The following KIRREL1 variants were observed in gnomAD, a reference collection of about 807,000 sequenced individuals.
KIRREL1 encodes kirre like nephrin family adhesion molecule 1.
KIRREL1 carries 25 observed loss-of-function variants against 83.3 expected under a neutral mutation model. The observed-to-expected ratio is 0.30, with a 90% CI of 0.22 to 0.42. The LOEUF (loss-of-function observed/expected upper bound fraction) is 0.42. KIRREL1 is among the 10% of genes least tolerant of loss of function. KIRREL1 has a pLI of 1.00. For synonymous variants in KIRREL1, 388 were observed against 410.4 expected (o/e 0.95, Z 0.66); for missense variants, 812 against 1,032.3 (o/e 0.79, Z 2.92).
intron 1 of KIRREL1, among the ~76,000 whole-genome samples, chr1:158,025,903 G>A (rs1003544829): frequency 1.3e-5 from 2 of 152,018 alleles, no homozygotes; most frequent in Admixed American, 1.3e-4. Flanking sequence ...CCCTCCCCCA[G>A]CAGAAGGGCT....
At chr1:158,025,097 T>C (rs918765235) in intron 1 of KIRREL1, among the ~76,000 whole-genome samples, 5 of 152,164 alleles carry the variant, frequency 3.3e-5, no homozygotes, top group African/African-American at 1.2e-4. Flanking sequence ...AACTGACCTG[T>C]CACTGGGTCT....
intron 1 of KIRREL1, among the ~76,000 whole-genome samples, chr1:158,036,240 C>A (rs374665140): frequency 1.3e-5 from 2 of 152,094 alleles, no homozygotes; most frequent in Non-Finnish European, 2.9e-5. Flanking sequence ...TTATTCATTT[C>A]TTTATTTATT....
At chr1:158,050,492 G>A (rs1006197624) in intron 1 of KIRREL1, among the ~76,000 whole-genome samples, 7 of 151,840 alleles carry the variant, frequency 4.6e-5, no homozygotes, top group South Asian at 2.1e-4. Context: ...AACATCCCTC[G>A]AACATTAAAC....
At position 158,096,634 on chromosome 1, in the gene KIRREL1, C is replaced by T. The variant is rs1251912583; in HGVS notation, c.*1514C>T. ...AAGGGCACCGCAGGCATTACACAGG[C>T]CATTTCTCCTCCTCCATGTGCACGC... is the stretch of plus-strand genomic sequence containing the variant. On this transcript the variant is annotated 3_prime_UTR_variant, in exon 15 of 15. Coordinates refer to ENST00000359209, the MANE Select transcript of KIRREL1 (RefSeq NM_018240.7). 1 of 456,782 alleles carries T rather than the reference C, an allele frequency of 2.2e-6. No homozygotes were observed. Among genetic ancestry groups the T allele is most frequent in the East Asian group, 7.0e-5 (1 of 14,384 alleles). 28.3% of individuals were successfully genotyped at this position (456,782 alleles called of 1,614,324 possible). A position where few individuals can be genotyped will look rare whatever the true frequency, so the allele number is the denominator to read the frequency against.
At chr1:158,042,302 G>A (rs1660651771) in intron 1 of KIRREL1, among the ~76,000 whole-genome samples, 1 of 152,004 alleles carries the variant, frequency 6.6e-6, no homozygotes, top group Admixed American at 6.6e-5. Flanking sequence ...GTGCAGGTAA[G>A]GGGGGCCCGG....
chr1:158,013,282 G>T (rs1258077680), intron 1 of KIRREL1, among the ~76,000 whole-genome samples: 2 of 152,178 alleles, frequency 1.3e-5, no homozygotes, highest in African/African-American at 4.8e-5. Context: ...TCTGTCCTGG[G>T]TTAGGGCTAA....
chr1:158,087,793 G>A lies in KIRREL1; in HGVS notation c.700G>A (p.Val234Met), dbSNP rs2101638680. The A allele has an allele frequency of 1.2e-6, 2 of 1,614,082 alleles. No individual in the cohort carries two copies. Among genetic ancestry groups the A allele is most frequent in the East Asian group, 4.5e-5 (2 of 44,860 alleles). Residue 234 changes from valine (V) to methionine (M), a missense_variant, in exon 6 of 15, where the codon GTG becomes ATG. This residue lies in a region of KIRREL1 where 472 missense variants were observed against 626.8 expected (regional missense o/e 0.75). Coordinates refer to ENST00000359209, the MANE Select transcript of KIRREL1 (RefSeq NM_018240.7). ...TVTLSIEPQT[V>M]QEGERVVFTC... ...GACCCTGTCCATTGAGCCACAGACGGTGCAGGAGGGTGAGCGTGTTGTCTT... is the reference window on the plus strand; with the variant it reads ...GACCCTGTCCATTGAGCCACAGACGATGCAGGAGGGTGAGCGTGTTGTCTT...
chr1:158,076,045 T>G, intron 1 of KIRREL1, 68 bp from the exon 2 acceptor site: 3 of 1,429,982 alleles, frequency 2.1e-6, no homozygotes, highest in Non-Finnish European at 2.9e-6. Flanking sequence ...AGCTGCATGG[T>G]GAGGGGGACC....
intron 1 of KIRREL1, among the ~76,000 whole-genome samples, chr1:158,054,767 A>G (rs901230420): frequency 6.6e-5 from 10 of 152,158 alleles, no homozygotes; most frequent in African/African-American, 2.4e-4. Flanking sequence ...AGAATTCCTC[A>G]TATTCTATCT....
At chr1:158,006,383 C>G (rs1353779471) in intron 1 of KIRREL1, among the ~76,000 whole-genome samples, 1 of 152,220 alleles carries the variant, frequency 6.6e-6, no homozygotes, top group Non-Finnish European at 1.5e-5. Flanking sequence ...GGTATTGTAA[C>G]TGAACACGTC....
chr1:158,024,261 T>C (rs1468421057), intron 1 of KIRREL1, among the ~76,000 whole-genome samples: 1 of 133,700 alleles, frequency 7.5e-6, no homozygotes, highest in East Asian at 2.3e-4. Flanking sequence ...GTTTTGTTGT[T>C]GTTGTTGTAT....
chr1:158,088,059 C>G lies in KIRREL1; in HGVS notation c.821C>G (p.Thr274Arg). ...IEDAHESRYE[T>R]NVDYSFFTEP... Reference sequence around the variant, plus strand: ...GACGCCCACGAGAGTCGCTATGAGACAAATGTGGATTATTCCTTTTTCACG... The same window carrying G: ...GACGCCCACGAGAGTCGCTATGAGAGAAATGTGGATTATTCCTTTTTCACG... Residue 274 changes from threonine (T) to arginine (R), a missense_variant, in exon 7 of 15, where the codon ACA becomes AGA. This residue lies in a region of KIRREL1 where 472 missense variants were observed against 626.8 expected (regional missense o/e 0.75). Coordinates refer to ENST00000359209, the MANE Select transcript of KIRREL1 (RefSeq NM_018240.7). 6.2e-7 allele frequency: 1 copy of G among 1,614,180 alleles called. No individual in the cohort carries two copies.
Position 158,020,609 on chromosome 1 carries a change from A to AAAAAAG in KIRREL1, c.52+26886_52+26887insGAAAAA, listed in dbSNP as rs1457240518. Among the ~76,000 whole-genome samples the AAAAAAG allele has an allele frequency of 7.3e-5, 11 of 149,664 alleles. 1 individual carries two copies. Among genetic ancestry groups the AAAAAAG allele is most frequent in the Non-Finnish European group, 1.5e-4 (10 of 67,294 alleles). On this transcript the variant is annotated intron_variant, in intron 1 of 14. Coordinates refer to ENST00000359209, the MANE Select transcript of KIRREL1 (RefSeq NM_018240.7). ...CTGCCATACAGTAAATCAAAAAAAAAAAAAAAAAAAAAAGCCGTTGAGTGA... is the reference window on the plus strand; with the variant it reads ...CTGCCATACAGTAAATCAAAAAAAAAAAAAAGAAAAAAAAAAAAAGCCGTTGAGTGA...
intron 11 of KIRREL1, among the ~76,000 whole-genome samples, chr1:158,092,302 A>T (rs563898804): frequency 2.0e-5 from 3 of 149,082 alleles, no homozygotes; most frequent in African/African-American, 7.4e-5. Flanking sequence ...GACATAGGAG[A>T]TGGAGAACCA....
At chr1:158,084,062 G>A (rs1408287156) in intron 3 of KIRREL1, among the ~76,000 whole-genome samples, 1 of 152,100 alleles carries the variant, frequency 6.6e-6, no homozygotes, top group East Asian at 1.9e-4. Flanking sequence ...CCCAGGAGGT[G>A]GAGGTTACAG....
intron 1 of KIRREL1, among the ~76,000 whole-genome samples, chr1:158,054,934 G>A (rs1188309065): frequency 6.6e-6 from 1 of 152,146 alleles, no homozygotes; most frequent in African/African-American, 2.4e-5. Context: ...GTGGAGGTGG[G>A]AGGTGACTGG....
At chr1:158,042,023 T>C (rs1016356489) in intron 1 of KIRREL1, among the ~76,000 whole-genome samples, 1 of 152,112 alleles carries the variant, frequency 6.6e-6, no homozygotes, top group African/African-American at 2.4e-5. Flanking sequence ...ACTTGCTACA[T>C]TGCCTGAGCA....
chr1:158,013,814 A>G (rs1296660713), intron 1 of KIRREL1, among the ~76,000 whole-genome samples: 1 of 151,766 alleles, frequency 6.6e-6, no homozygotes, highest in East Asian at 1.9e-4. Context: ...ACAGACAAAA[A>G]TGTCCTTTCT....
intron 10 of KIRREL1, among the ~76,000 whole-genome samples, chr1:158,090,315 T>C (rs1248253790): frequency 6.6e-6 from 1 of 151,994 alleles, no homozygotes; most frequent in African/African-American, 2.4e-5. Flanking sequence ...CCTGGCCCAC[T>C]CTTCTCTCCC....
Sources: allele counts gnomAD v4.1 joint callset (sites outside exome capture counted in the v4.1 genomes callset), GRCh38; gene constraint gnomAD v4.1.1; regional missense constraint gnomAD v4.1.1; transcripts MANE v1.5; gene names NCBI Gene and HGNC (gene_info 2026-07-23, HGNC 2026-07-21).